RABGAP1L: variants seen among roughly 807,000 people sequenced by gnomAD.
RABGAP1L encodes the protein rab GTPase-activating protein 1-like.
In RABGAP1L, 63 loss-of-function variants were observed where a neutral mutation model predicts 137.7. The ratio of observed to expected loss-of-function variants is 0.46; its 90% CI spans 0.37 to 0.56. The LOEUF (loss-of-function observed/expected upper bound fraction) is 0.56, where lower values mean the gene tolerates loss of function less well. Ranked by LOEUF, RABGAP1L falls within the 20% of genes least tolerant of loss-of-function variation. The pLI is 0.00. For synonymous variants in RABGAP1L, 431 were observed against 433.7 expected (o/e 0.99, Z 0.08); for missense variants, 1,095 against 1,244.0 (o/e 0.88, Z 1.80).
rs146521605 is a variant in RABGAP1L at position 174,166,849 on chromosome 1, G to A, written c.-34+7192G>A. 1.2e-3 allele frequency among the ~76,000 whole-genome samples: 190 copies of A among 152,290 alleles called. 1 individual carries two copies. The highest frequency in any genetic ancestry group is 4.5e-3 in the African/African-American group (186 of 41,564). ...CAGAGACTGCTTAATAGCTCATCAT[G>A]GAAGTGTGTGGAAAATTTTGGAAAT... On this transcript the variant is annotated intron_variant, in intron 1 of 25. Coordinates refer to ENST00000681986, the MANE Select transcript of RABGAP1L (RefSeq NM_001366446.1).
intron 13 of RABGAP1L, among the ~76,000 whole-genome samples, chr1:174,597,435 A>G (rs1237478357): frequency 2.6e-5 from 4 of 151,958 alleles, no homozygotes; most frequent in Admixed American, 6.6e-5. Context: ...TCCTGGTTCA[A>G]TCTTGGTAGG....
intron 13 of RABGAP1L, chr1:174,548,587 A>T: frequency 1.0e-6 from 1 of 970,994 alleles, no homozygotes; most frequent in Non-Finnish European, 1.2e-6. Flanking sequence ...TACTTTTTTC[A>T]TACCCACAGA....
intron 17 of RABGAP1L, among the ~76,000 whole-genome samples, chr1:174,731,647 C>A (rs1682486451): frequency 6.6e-6 from 1 of 152,186 alleles, no homozygotes; most frequent in East Asian, 1.9e-4. Context: ...TCCATCTTCA[C>A]AGTCATTCGT....
chr1:174,386,512 CT>C (rs562687774), intron 12 of RABGAP1L, among the ~76,000 whole-genome samples: 232 of 142,476 alleles, frequency 1.6e-3, no homozygotes, highest in Non-Finnish European at 1.9e-3. Flanking sequence ...TTTGTGTTTT[CT>C]TTTTTTTTTT....
intron 14 of RABGAP1L, among the ~76,000 whole-genome samples, chr1:174,652,412 G>A (rs540214595): frequency 2.3e-4 from 35 of 152,280 alleles, no homozygotes; most frequent in African/African-American, 7.0e-4. Flanking sequence ...GCCTTTTTCC[G>A]CTGGTTTTTC....
chr1:174,822,836 T>G (rs1237903567), intron 19 of RABGAP1L, among the ~76,000 whole-genome samples: 3 of 152,240 alleles, frequency 2.0e-5, no homozygotes, highest in Non-Finnish European at 4.4e-5. Context: ...CACATTTGTC[T>G]TCTTTATTTG....
chr1:174,262,071 G>A (rs1426225481), intron 7 of RABGAP1L, among the ~76,000 whole-genome samples: 1 of 152,158 alleles, frequency 6.6e-6, no homozygotes, highest in Non-Finnish European at 1.5e-5. Context: ...AGGAAAACAG[G>A]TATTACTTAC....
intron 17 of RABGAP1L, among the ~76,000 whole-genome samples, chr1:174,722,899 T>C (rs897906886): frequency 1.3e-5 from 2 of 152,176 alleles, no homozygotes; most frequent in Non-Finnish European, 2.9e-5. Context: ...TCAGCCAATA[T>C]TTTGGCTCTA....
intron 20 of RABGAP1L, among the ~76,000 whole-genome samples, chr1:174,969,038 A>G (rs1281852538): frequency 1.3e-5 from 2 of 152,186 alleles, no homozygotes; most frequent in Non-Finnish European, 2.9e-5. Flanking sequence ...ATTTTTTATA[A>G]TGAAGTTCCA....
chr1:174,220,263 A>G (rs1669651063), intron 2 of RABGAP1L, among the ~76,000 whole-genome samples: 1 of 152,220 alleles, frequency 6.6e-6, no homozygotes, highest in South Asian at 2.1e-4. Flanking sequence ...AAGAAATATA[A>G]CCTTTTAAAT....
At chr1:174,617,075 A>T (rs971075317) in intron 13 of RABGAP1L, among the ~76,000 whole-genome samples, 27 of 152,142 alleles carry the variant, frequency 1.8e-4, no homozygotes, top group African/African-American at 6.3e-4. Context: ...AAAGGAATAT[A>T]CTGTGTCCAG....
At chr1:174,234,450 G>A (rs1391766002) in intron 4 of RABGAP1L, among the ~76,000 whole-genome samples, 3 of 143,888 alleles carry the variant, frequency 2.1e-5, no homozygotes, top group Non-Finnish European at 4.4e-5. Context: ...TGTATAAGGT[G>A]TAAGGAAGGG....
At chr1:174,531,428 A>T (rs909533) in intron 13 of RABGAP1L, among the ~76,000 whole-genome samples, 4 of 152,138 alleles carry the variant, frequency 2.6e-5, no homozygotes, top group African/African-American at 4.8e-5. Flanking sequence ...TAAGAATTTC[A>T]GATTTAGATA....
At chr1:174,714,283 G>T (rs745856297) in intron 17 of RABGAP1L, among the ~76,000 whole-genome samples, 2 of 152,078 alleles carry the variant, frequency 1.3e-5, no homozygotes, top group Non-Finnish European at 2.9e-5. Context: ...TTCTTAAATG[G>T]ATACATCCTT....
chr1:174,612,669 G>C (rs993251119), intron 13 of RABGAP1L, among the ~76,000 whole-genome samples: 10 of 152,288 alleles, frequency 6.6e-5, no homozygotes, highest in African/African-American at 2.2e-4. Context: ...GAATTCGGCT[G>C]TGAATCCATC....
chr1:174,727,883 A>G (rs1021549379), intron 17 of RABGAP1L, among the ~76,000 whole-genome samples: 2 of 152,228 alleles, frequency 1.3e-5, no homozygotes, highest in African/African-American at 4.8e-5. Flanking sequence ...TTTTTTGGGT[A>G]ATCTCATGTG....
At chr1:174,871,031 G>T (rs527712686) in intron 19 of RABGAP1L, among the ~76,000 whole-genome samples, 50 of 149,654 alleles carry the variant, frequency 3.3e-4, no homozygotes, top group African/African-American at 1.2e-3. Flanking sequence ...GAGCCACCAC[G>T]CCCGGCCTAT....
chr1:174,849,008 C>A (rs981481123), intron 19 of RABGAP1L, among the ~76,000 whole-genome samples: 1 of 152,258 alleles, frequency 6.6e-6, no homozygotes, highest in Non-Finnish European at 1.5e-5. Flanking sequence ...CGTCCGTCAC[C>A]GCTTTCTTTG....
At position 174,635,984 on chromosome 1, in the gene RABGAP1L, A is replaced by G. The variant is rs541940420; in HGVS notation, c.1711-1391A>G. ...GAAGAGAAAGTTTCTTCAAATCTTT[A>G]TGGAAATAAGACATTAAGCAATTCT... On this transcript the variant is annotated intron_variant, in intron 13 of 25. Coordinates refer to ENST00000681986, the MANE Select transcript of RABGAP1L (RefSeq NM_001366446.1). 8.5e-5 allele frequency among the ~76,000 whole-genome samples: 13 copies of G among 152,324 alleles called. No homozygotes were observed. The South Asian group carries it at 2.7e-3, about 32-fold the overall frequency.
Sources: allele counts gnomAD v4.1 joint callset (sites outside exome capture counted in the v4.1 genomes callset), GRCh38; gene constraint gnomAD v4.1.1; transcripts MANE v1.5; gene names NCBI Gene and HGNC (gene_info 2026-07-23, HGNC 2026-07-21).